Variants in NAV2 observed in about 807,000 individuals in gnomAD.
NAV2 encodes neuron navigator 2.
In NAV2, 54 loss-of-function variants were observed where a neutral mutation model predicts 223.2. The observed-to-expected ratio is 0.24, with a 90% CI of 0.19 to 0.30. The LOEUF is 0.30. Among genes scored for constraint, NAV2 ranks in the 10% least tolerant of loss-of-function variants. The pLI is 1.00. For synonymous variants in NAV2, 1,279 were observed against 1,239.3 expected (o/e 1.03, Z -0.67); for missense variants, 2,806 against 3,147.5 (o/e 0.89, Z 2.60).
chr11:19,538,904 T>TATATAC (rs373320711), intron 1 of NAV2, among the ~76,000 whole-genome samples: 153 of 150,774 alleles, frequency 1.0e-3, no homozygotes, highest in African/African-American at 3.5e-3. Flanking sequence ...TATATATATA[T>TATATAC]ATATCTTTCC....
chr11:19,535,826 A>G (rs1460119047), intron 1 of NAV2, among the ~76,000 whole-genome samples: 1 of 152,188 alleles, frequency 6.6e-6, no homozygotes, highest in Non-Finnish European at 1.5e-5. Context: ...AATGAGCCCC[A>G]GGAAAGCACA....
chr11:19,350,498 G>A (rs557212384), upstream of NAV2, among the ~76,000 whole-genome samples: 16 of 152,354 alleles, frequency 1.1e-4, 1 homozygote, highest in African/African-American at 3.8e-4. Context: ...TGGGAGTCAG[G>A]GGCTGCCAGA....
Position 19,413,762 on chromosome 11 carries a change from G to A in NAV2, c.75+62735G>A, listed in dbSNP as rs149178925. ...CCCTACAAGCCAGAAGAGAGTGGGGGCCAATATTCAATATTTTTAAAGAAA... is the reference window on the plus strand; with the variant it reads ...CCCTACAAGCCAGAAGAGAGTGGGGACCAATATTCAATATTTTTAAAGAAA... On this transcript the variant is annotated intron_variant, in intron 1 of 37. Transcript: ENST00000360655. Among the ~76,000 whole-genome samples, 1,075 of 152,252 alleles carry A rather than the reference G, an allele frequency of 7.1e-3. 12 individuals are homozygous for A. The highest frequency in any genetic ancestry group is 0.024 in the African/African-American group (1,006 of 41,538).
chr11:19,524,137 A>G (rs2043769626), intron 1 of NAV2, among the ~76,000 whole-genome samples: 1 of 151,832 alleles, frequency 6.6e-6, no homozygotes, highest in South Asian at 2.1e-4. Context: ...GAGGGTAGGG[A>G]CCCTGTTGTT....
intron 1 of NAV2, among the ~76,000 whole-genome samples, chr11:19,598,315 G>A (rs2046263660): frequency 6.6e-6 from 1 of 152,246 alleles, no homozygotes; most frequent in Non-Finnish European, 1.5e-5. Flanking sequence ...ACAGCGAGTA[G>A]CCATCCGTGA....
intron 1 of NAV2, among the ~76,000 whole-genome samples, chr11:19,828,982 G>A (rs1219403516): frequency 2.0e-5 from 3 of 152,232 alleles, no homozygotes; most frequent in African/African-American, 7.2e-5. Flanking sequence ...CAGTGTGTGT[G>A]TATGTGCACT....
chr11:19,768,096 T>C (rs2055375105), intron 1 of NAV2, among the ~76,000 whole-genome samples: 1 of 152,216 alleles, frequency 6.6e-6, no homozygotes, highest in Non-Finnish European at 1.5e-5. Context: ...TCCTCCAGGT[T>C]ATGAAGAGCA....
intron 11 of NAV2, among the ~76,000 whole-genome samples, chr11:20,000,675 C>A (rs1819455113): frequency 6.6e-6 from 1 of 152,120 alleles, no homozygotes; most frequent in East Asian, 1.9e-4. Flanking sequence ...AATGTCCCTG[C>A]AGGAAGTCAG....
At chr11:19,889,215 T>C (rs1464779945) in intron 5 of NAV2, among the ~76,000 whole-genome samples, 1 of 152,212 alleles carries the variant, frequency 6.6e-6, no homozygotes, top group African/African-American at 2.4e-5. Context: ...CGGGCTTAGC[T>C]TTTTTTCTTT....
At chr11:19,798,715 T>G (rs1442475174) in intron 1 of NAV2, among the ~76,000 whole-genome samples, 1 of 152,214 alleles carries the variant, frequency 6.6e-6, no homozygotes, top group African/African-American at 2.4e-5. Context: ...TGCCTTCATG[T>G]GTTCCCATTT....
chr11:19,792,913 A>G (rs964904944), intron 1 of NAV2, among the ~76,000 whole-genome samples: 1 of 122,994 alleles, frequency 8.1e-6, no homozygotes, highest in Middle Eastern at 4.8e-3. Flanking sequence ...GTGAGCCATT[A>G]AAAAAAAAAA....
chr11:19,778,852 A>G (rs1312131600), intron 1 of NAV2, among the ~76,000 whole-genome samples: 2 of 152,146 alleles, frequency 1.3e-5, no homozygotes, highest in African/African-American at 4.8e-5. Flanking sequence ...TTTCTCTCCA[A>G]GCTGTACCTG....
chr11:20,058,846 ATAAC>A (rs1460830796), intron 19 of NAV2, among the ~76,000 whole-genome samples: 4 of 152,210 alleles, frequency 2.6e-5, no homozygotes, highest in African/African-American at 9.7e-5. Flanking sequence ...CATTTAACAA[ATAAC>A]TTTGAAAGGG....
chr11:20,120,696 T>C lies in NAV2; in HGVS notation c.*2438T>C, dbSNP rs1169198477. 1 of 152,572 alleles carries C rather than the reference T, an allele frequency of 6.6e-6. No homozygotes were observed. Among genetic ancestry groups the C allele is most frequent in the Non-Finnish European group, 1.5e-5 (1 of 68,046 alleles). The allele number at this position is 152,572 out of a possible 1,614,324, so 9.5% of individuals were successfully genotyped here. A position where few individuals can be genotyped will look rare whatever the true frequency, so the allele number is the denominator to read the frequency against. Reference sequence around the variant, plus strand: ...GAACCAAGACTTCTGTACCTAGTGCTGCCTGATTGGTGAACATTGACTTCA... The same window carrying C: ...GAACCAAGACTTCTGTACCTAGTGCCGCCTGATTGGTGAACATTGACTTCA... On this transcript the variant is annotated 3_prime_UTR_variant, in exon 38 of 38. Transcript: ENST00000349880.
chr11:19,564,305 T>C (rs1314999879), intron 1 of NAV2, among the ~76,000 whole-genome samples: 1 of 152,092 alleles, frequency 6.6e-6, no homozygotes, highest in Non-Finnish European at 1.5e-5. Context: ...TCTCGAATTT[T>C]CCCCCCACTG....
intron 31 of NAV2, among the ~76,000 whole-genome samples, chr11:20,098,929 A>G (rs922593224): frequency 6.6e-6 from 1 of 152,132 alleles, no homozygotes; most frequent in South Asian, 2.1e-4. Context: ...AGCTCTTTGT[A>G]CCTGGTTGAT....
rs181522034 is a variant in NAV2 at position 19,481,408 on chromosome 11, T to C, written c.75+130381T>C. ...TATACCAATGCTCTGTAAAAGCCCC[T>C]GAGCCTCATTTTTGTCTTGCAACTA... On this transcript the variant is annotated intron_variant, in intron 1 of 37. Transcript: ENST00000360655. Among the ~76,000 whole-genome samples the C allele has an allele frequency of 3.9e-5, 6 of 152,290 alleles. No homozygotes were observed. The East Asian group carries it at 9.7e-4, about 25-fold the overall frequency.
intron 20 of NAV2, among the ~76,000 whole-genome samples, chr11:20,065,054 G>T (rs993059201): frequency 6.6e-6 from 1 of 152,174 alleles, no homozygotes; most frequent in Non-Finnish European, 1.5e-5. Context: ...TAGCCTATCA[G>T]TGGAATGTTT....
chr11:19,815,986 T>C (rs552153921), intron 1 of NAV2, among the ~76,000 whole-genome samples: 1 of 152,346 alleles, frequency 6.6e-6, no homozygotes, highest in African/African-American at 2.4e-5. Context: ...TGTTCTTTTG[T>C]GCTCTGGGCC....
Sources: allele counts gnomAD v4.1 joint callset (sites outside exome capture counted in the v4.1 genomes callset), GRCh38; gene constraint gnomAD v4.1.1; transcripts MANE v1.5; gene names NCBI Gene and HGNC (gene_info 2026-07-23, HGNC 2026-07-21).